Variants in TANC2 observed in about 807,000 individuals in gnomAD.
The protein encoded by TANC2 is tetratricopeptide repeat, ankyrin repeat and coiled-coil containing 2.
In TANC2, 26 loss-of-function variants were observed where a neutral mutation model predicts 210.5. The ratio of observed to expected loss-of-function variants is 0.12; its 90% CI spans 0.09 to 0.17. The LOEUF is 0.17. Among genes scored for constraint, TANC2 ranks in the 10% least tolerant of loss-of-function variants. TANC2 has a pLI of 1.00. For synonymous variants in TANC2, 931 were observed against 967.1 expected (o/e 0.96, Z 0.69); for missense variants, 2,129 against 2,608.9 (o/e 0.82, Z 4.01).
At chr17:63,254,733 T>A (rs1454764325) in intron 8 of TANC2, among the ~76,000 whole-genome samples, 3 of 152,206 alleles carry the variant, frequency 2.0e-5, no homozygotes, top group African/African-American at 7.2e-5. Flanking sequence ...TTGAAATGAT[T>A]GTATTATTTT....
intron 18 of TANC2, chr17:63,396,964 AT>A (rs952332663): frequency 2.6e-5 from 4 of 151,860 alleles, no homozygotes. Flanking sequence ...CTACAATAAA[AT>A]TTGAAATAAT....
intron 11 of TANC2, among the ~76,000 whole-genome samples, chr17:63,331,010 A>G (rs1380811141): frequency 6.6e-6 from 1 of 152,172 alleles, no homozygotes; most frequent in African/African-American, 2.4e-5. Flanking sequence ...CGGGAGGCAG[A>G]GGTTGCAGTG....
intron 9 of TANC2, among the ~76,000 whole-genome samples, chr17:63,274,611 C>G (rs781108281): frequency 1.3e-5 from 2 of 151,954 alleles, no homozygotes; most frequent in African/African-American, 4.8e-5. Context: ...GTCAGGAGTT[C>G]GAGACCACCC....
intron 11 of TANC2, among the ~76,000 whole-genome samples, chr17:63,324,520 A>G (rs1423017275): frequency 2.0e-5 from 3 of 152,220 alleles, no homozygotes; most frequent in African/African-American, 7.2e-5. Flanking sequence ...ATGAAAAACA[A>G]TAATGAAGAA....
chr17:63,077,050 T>G (rs2036595285), intron 3 of TANC2, among the ~76,000 whole-genome samples: 6 of 152,146 alleles, frequency 3.9e-5, no homozygotes, highest in Admixed American at 3.9e-4. Context: ...GCTCACTTTG[T>G]GCTTAGTACA....
intron 4 of TANC2, among the ~76,000 whole-genome samples, chr17:63,118,039 A>G (rs1283215007): frequency 1.3e-5 from 2 of 152,212 alleles, no homozygotes; most frequent in Non-Finnish European, 2.9e-5. Context: ...TCAATTTTTC[A>G]ATGTAAATGT....
intron 4 of TANC2, 29 bp from the exon 5 acceptor site, chr17:63,151,241 G>T (rs2039643932): frequency 2.2e-6 from 2 of 926,772 alleles, no homozygotes; most frequent in South Asian, 5.0e-5. Flanking sequence ...TCTGTCTCTT[G>T]CTTGCTCTCT....
intron 8 of TANC2, among the ~76,000 whole-genome samples, chr17:63,257,891 A>G (rs1435092179): frequency 6.6e-6 from 1 of 152,190 alleles, no homozygotes; most frequent in Non-Finnish European, 1.5e-5. Context: ...TCTACTCAAG[A>G]TATGAGTAGT....
At chr17:63,359,840 G>A (rs2046905786) in intron 14 of TANC2, among the ~76,000 whole-genome samples, 1 of 152,142 alleles carries the variant, frequency 6.6e-6, no homozygotes, top group African/African-American at 2.4e-5. Flanking sequence ...AATGGAAAGG[G>A]AAAAGGCGAC....
intron 2 of TANC2, among the ~76,000 whole-genome samples, chr17:63,049,959 A>G (rs2035519123): frequency 6.6e-6 from 1 of 152,186 alleles, no homozygotes. Context: ...ACCAAAAGAA[A>G]GGAGTTGCTG....
chr17:63,064,967 A>G (rs1313109484), intron 2 of TANC2, among the ~76,000 whole-genome samples: 2 of 152,068 alleles, frequency 1.3e-5, no homozygotes, highest in Non-Finnish European at 2.9e-5. Flanking sequence ...ACCATTCTGT[A>G]CAATAGATTT....
At chr17:63,245,728 G>A (rs1233908964) in intron 8 of TANC2, among the ~76,000 whole-genome samples, 1 of 151,908 alleles carries the variant, frequency 6.6e-6, no homozygotes, top group Non-Finnish European at 1.5e-5. Flanking sequence ...TGTAATCCCA[G>A]CTACTCGGGA....
At chr17:63,349,801 AC>A (rs35366468) in intron 12 of TANC2, among the ~76,000 whole-genome samples, 2 of 150,982 alleles carry the variant, frequency 1.3e-5, no homozygotes, top group African/African-American at 2.4e-5. Context: ...CATAACACCC[AC>A]CCCCCTCGTT....
At chr17:63,363,642 G>A (rs2047026965) in intron 14 of TANC2, among the ~76,000 whole-genome samples, 2 of 152,034 alleles carry the variant, frequency 1.3e-5, no homozygotes, top group Non-Finnish European at 2.9e-5. Context: ...TATGTTCTTG[G>A]AACCTTTTTT....
intron 1 of TANC2, among the ~76,000 whole-genome samples, chr17:62,974,165 A>C (rs2031868272): frequency 6.6e-6 from 1 of 152,186 alleles, no homozygotes; most frequent in Admixed American, 6.5e-5. Flanking sequence ...CCTTCTATTT[A>C]CTGAGAAGAT....
chr17:63,136,792 T>C (rs1319702793), intron 4 of TANC2, among the ~76,000 whole-genome samples: 2 of 152,014 alleles, frequency 1.3e-5, no homozygotes, highest in Admixed American at 6.6e-5. Flanking sequence ...GGGTTGAGGG[T>C]GACAAGAACT....
At chr17:63,255,821 C>A (rs1214939406) in intron 8 of TANC2, among the ~76,000 whole-genome samples, 1 of 147,670 alleles carries the variant, frequency 6.8e-6, no homozygotes, top group African/African-American at 2.5e-5. Flanking sequence ...ATCTTTATTT[C>A]TTTCCTTCTA....
chr17:63,393,142 T>C (rs1449043805), intron 17 of TANC2, among the ~76,000 whole-genome samples: 2 of 152,230 alleles, frequency 1.3e-5, no homozygotes, highest in Non-Finnish European at 2.9e-5. Context: ...TTTTATGAGC[T>C]TGACAGTTTT....
chr17:63,049,603 G>A (rs1370194510), intron 2 of TANC2, among the ~76,000 whole-genome samples: 1 of 152,142 alleles, frequency 6.6e-6, no homozygotes, highest in Non-Finnish European at 1.5e-5. Flanking sequence ...AGGTCAGAGA[G>A]GTAATAGGGG....
Sources: allele counts gnomAD v4.1 joint callset (sites outside exome capture counted in the v4.1 genomes callset), GRCh38; gene constraint gnomAD v4.1.1; transcripts MANE v1.5; gene names NCBI Gene and HGNC (gene_info 2026-07-23, HGNC 2026-07-21).